CIB4: variants seen among roughly 807,000 people sequenced by gnomAD.
CIB4 encodes the protein calcium and integrin binding family member 4.
In CIB4, 25 loss-of-function variants were observed where a neutral mutation model predicts 25.8. That is an observed-to-expected ratio of 0.97 (90% CI 0.71 to 1.35). The LOEUF is 1.35. Among genes scored for constraint, CIB4 ranks in the 40% most tolerant of loss-of-function variants. The pLI, the probability that CIB4 is intolerant of heterozygous loss-of-function variation, is 0.00. For synonymous variants in CIB4, 75 were observed against 81.4 expected (o/e 0.92, Z 0.42); for missense variants, 235 against 228.2 (o/e 1.03, Z -0.19).
intron 3 of CIB4, among the ~76,000 whole-genome samples, chr2:26,608,636 C>A (rs1309193917): frequency 6.6e-6 from 1 of 152,214 alleles, no homozygotes; most frequent in Non-Finnish European, 1.5e-5. Context: ...CTGGACAGAG[C>A]CTGCCACCCA....
chr2:26,589,095 CTTCTTCTTCTTCCTCTTCTTCT>C (rs1668528945), intron 4 of CIB4, among the ~76,000 whole-genome samples: 2 of 116,218 alleles, frequency 1.7e-5, no homozygotes, highest in African/African-American at 8.0e-5. Context: ...TCTTCTTCTT[CTTCTTCTTCTTCCTCTTCTTCT>C]TCTTCTTCTT....
chr2:26,629,007 T>G (rs976789901), intron 3 of CIB4, among the ~76,000 whole-genome samples: 75 of 151,678 alleles, frequency 4.9e-4, no homozygotes, highest in Non-Finnish European at 8.7e-4. Flanking sequence ...CAGAGTGGGG[T>G]GGACTGCAAG....
intron 2 of CIB4, among the ~76,000 whole-genome samples, chr2:26,630,070 C>T (rs1039095896): frequency 6.6e-6 from 1 of 152,234 alleles, no homozygotes; most frequent in African/African-American, 2.4e-5. Context: ...AGATCGTGGA[C>T]TGACTGGTCT....
At chr2:26,636,790 CT>C (rs1669540824) in intron 2 of CIB4, among the ~76,000 whole-genome samples, 1 of 152,008 alleles carries the variant, frequency 6.6e-6, no homozygotes, top group South Asian at 2.1e-4. Context: ...AAATTTTTTC[CT>C]TAGAATTTTG....
chr2:26,614,126 G>T (rs1353911118), intron 3 of CIB4, among the ~76,000 whole-genome samples: 1 of 152,232 alleles, frequency 6.6e-6, no homozygotes, highest in Non-Finnish European at 1.5e-5. Context: ...AGGGGAGGGG[G>T]TACTTCAGGA....
chr2:26,606,583 C>G (rs1263648944), intron 3 of CIB4, among the ~76,000 whole-genome samples: 1 of 152,168 alleles, frequency 6.6e-6, no homozygotes, highest in East Asian at 1.9e-4. Flanking sequence ...AACTTGGACT[C>G]TGAAACCCCT....
In CIB4 at chr2:26,582,966, G is replaced by T; in HGVS notation, c.439-53C>A. ...AGTGGAACCCCATGTCAGGCAGTGAGGTGGGGCACAGGGTGGAGGGGGAAA... is the reference window on the plus strand; with the variant it reads ...AGTGGAACCCCATGTCAGGCAGTGATGTGGGGCACAGGGTGGAGGGGGAAA... On this transcript the variant is annotated intron_variant, in intron 5 of 6. Transcript: ENST00000288861. 2.4e-6 allele frequency: 3 copies of T among 1,258,968 alleles called. No homozygotes were observed. The South Asian group carries it at 3.7e-5, about 15-fold the overall frequency. The allele number at this position is 1,258,968 out of a possible 1,614,324, so 78.0% of individuals were successfully genotyped here. A position where few individuals can be genotyped will look rare whatever the true frequency, so the allele number is the denominator to read the frequency against.
Position 26,581,296 on chromosome 2 carries a change from A to G in CIB4, c.*67T>C, listed in dbSNP as rs1572532836. The G allele has an allele frequency of 7.4e-7, 1 of 1,345,448 alleles. No individual in the cohort carries two copies. Among genetic ancestry groups the G allele is most frequent in the East Asian group, 2.3e-5 (1 of 43,600 alleles). 83.3% of individuals were successfully genotyped at this position (1,345,448 alleles called of 1,614,324 possible). A position where few individuals can be genotyped will look rare whatever the true frequency, so the allele number is the denominator to read the frequency against. On this transcript the variant is annotated 3_prime_UTR_variant, in exon 7 of 7. Transcript: ENST00000288861. ...GTCATACTTCAAACCAGCTCCCTCC[A>G]GTGCTGGAGGGGGTTCGATTCCTGT...
chr2:26,609,997 C>T (rs1668968105), intron 3 of CIB4, among the ~76,000 whole-genome samples: 1 of 152,238 alleles, frequency 6.6e-6, no homozygotes, highest in African/African-American at 2.4e-5. Flanking sequence ...CTGCCTAGAA[C>T]ATTCGCTCCT....
intron 3 of CIB4, among the ~76,000 whole-genome samples, chr2:26,607,960 G>C (rs542937803): frequency 1.4e-3 from 213 of 152,360 alleles, no homozygotes; most frequent in Non-Finnish European, 1.9e-3. Flanking sequence ...AGCTCTGGCC[G>C]GGCGCGATGG....
chr2:26,630,186 C>A (rs1442348378), intron 2 of CIB4, among the ~76,000 whole-genome samples: 2 of 152,164 alleles, frequency 1.3e-5, no homozygotes, highest in Non-Finnish European at 2.9e-5. Flanking sequence ...CCGTGTGACC[C>A]CTGAGAGTAA....
chr2:26,595,894 C>T lies in CIB4; in HGVS notation c.187-577G>A, dbSNP rs1257957962. ...AGATCCATGTCACATGACTTATCTG[C>T]GCGCACACACACACACACACACACA... is the stretch of plus-strand genomic sequence containing the variant. On this transcript the variant is annotated intron_variant, in intron 3 of 6. Coordinates refer to ENST00000288861, the MANE Select transcript of CIB4 (RefSeq NM_001029881.3). 2.5e-4 allele frequency among the ~76,000 whole-genome samples: 6 copies of T among 24,070 alleles called. 1 individual carries two copies. Among genetic ancestry groups the T allele is most frequent in the East Asian group, 0.028 (2 of 72 alleles). The allele number at this position is 24,070 out of a possible 152,430, so 15.8% of individuals were successfully genotyped here. A position where few individuals can be genotyped will look rare whatever the true frequency, so the allele number is the denominator to read the frequency against.
intron 3 of CIB4, among the ~76,000 whole-genome samples, chr2:26,608,487 A>G (rs1038922919): frequency 6.6e-6 from 1 of 152,202 alleles, no homozygotes; most frequent in African/African-American, 2.4e-5. Context: ...CTGTATCTGA[A>G]TAAGCTGCCT....
At chr2:26,632,349 G>A (rs1669436054) in intron 2 of CIB4, among the ~76,000 whole-genome samples, 1 of 152,188 alleles carries the variant, frequency 6.6e-6, no homozygotes, top group Non-Finnish European at 1.5e-5. Flanking sequence ...AGCAGAGTGT[G>A]GAACGGGTTG....
chr2:26,607,391 A>G (rs1419135610), intron 3 of CIB4, among the ~76,000 whole-genome samples: 4 of 152,224 alleles, frequency 2.6e-5, no homozygotes, highest in East Asian at 1.9e-4. Flanking sequence ...ATCAACATCT[A>G]TTACAGGAGA....
intron 3 of CIB4, among the ~76,000 whole-genome samples, chr2:26,612,340 A>G (rs1233215096): frequency 6.6e-6 from 1 of 152,274 alleles, no homozygotes; most frequent in African/African-American, 2.4e-5. Context: ...TTTGAGTCTT[A>G]GAGCATCTAT....
intron 3 of CIB4, chr2:26,605,357 A>C: frequency 3.5e-6 from 1 of 288,394 alleles, no homozygotes; most frequent in South Asian, 2.8e-5. Flanking sequence ...TCACCGGGGG[A>C]AAGTGTATCA....
At chr2:26,584,013 C>T in intron 4 of CIB4, 115 bp from the exon 5 acceptor site, 1 of 660,748 alleles carries the variant, frequency 1.5e-6, no homozygotes, top group South Asian at 1.8e-5. Context: ...GCCCATTAGC[C>T]TCTGGGAGGC....
At chr2:26,624,840 G>A (rs1329070346) in intron 3 of CIB4, among the ~76,000 whole-genome samples, 1 of 146,760 alleles carries the variant, frequency 6.8e-6, no homozygotes, top group Non-Finnish European at 1.5e-5. Context: ...GTATTATGGT[G>A]TATATATATA....
Sources: gnomAD v4.1 joint callset for allele counts (sites outside exome capture counted in the v4.1 genomes callset) on GRCh38, gnomAD v4.1.1 for gene constraint, MANE v1.5 for transcripts, NCBI Gene and HGNC (gene_info 2026-07-23, HGNC 2026-07-21) for gene names.